KCNK5: variants seen among roughly 807,000 people sequenced by gnomAD.
The protein encoded by KCNK5 is potassium two pore domain channel subfamily K member 5.
In KCNK5, 18 loss-of-function variants were observed where a neutral mutation model predicts 32.9. The observed-to-expected ratio is 0.55, with a 90% confidence interval of 0.38 to 0.81. KCNK5 has a LOEUF of 0.81. Among genes scored for constraint, KCNK5 ranks in the 30% least tolerant of loss-of-function variants. The probability of loss-of-function intolerance (pLI) is 0.00; values close to 1 mark genes in which losing one functional copy is unlikely to be tolerated. For missense variants in KCNK5, 507 were observed against 651.0 expected (o/e 0.78, Z 2.41); for synonymous variants, 276 against 275.3 (o/e 1.00, Z -0.03).
At chr6:39,195,283 ACATGCGGAGG>A (rs1485082027) in intron 2 of KCNK5, among the ~76,000 whole-genome samples, 1 of 152,234 alleles carries the variant, frequency 6.6e-6, no homozygotes, top group Non-Finnish European at 1.5e-5. Flanking sequence ...GTTCCCAAAC[ACATGCGGAGG>A]CCTTGTGTTT....
chr6:39,190,653 A>C lies in KCNK5; in HGVS notation c.*237T>G. ...ATGTCTTTGCATTGTGAGATACACCAGCCAAGCTCAGGACAGATGCCCCCA... is the reference window on the plus strand; with the variant it reads ...ATGTCTTTGCATTGTGAGATACACCCGCCAAGCTCAGGACAGATGCCCCCA... On this transcript the variant is annotated 3_prime_UTR_variant, in exon 5 of 5. Coordinates refer to ENST00000359534, the MANE Select transcript of KCNK5 (RefSeq NM_003740.4). The C allele has an allele frequency of 2.4e-6, 1 of 418,234 alleles. No homozygotes were observed. 25.9% of individuals were successfully genotyped at this position (418,234 alleles called of 1,614,324 possible). A position where few individuals can be genotyped will look rare whatever the true frequency, so the allele number is the denominator to read the frequency against.
At position 39,206,001 on chromosome 6, in the gene KCNK5, C is replaced by A. The variant is rs150827953; in HGVS notation, c.187-10014G>T. 5.7e-4 allele frequency among the ~76,000 whole-genome samples: 87 copies of A among 152,346 alleles called. 3 individuals are homozygous for A. In the East Asian group the frequency reaches 0.017, roughly 29 times the overall value. ...CCTCTCACACCCATAACTCCTCTTC[C>A]ACCGTCTAATCTGAGACCTAAGACC... On this transcript the variant is annotated intron_variant, in intron 1 of 4. Transcript: ENST00000359534.
At chr6:39,215,402 C>T (rs963469616) in intron 1 of KCNK5, among the ~76,000 whole-genome samples, 4 of 152,178 alleles carry the variant, frequency 2.6e-5, no homozygotes, top group South Asian at 2.1e-4. Context: ...TTCCACTGCC[C>T]GGGAGGTGAG....
intron 1 of KCNK5, among the ~76,000 whole-genome samples, chr6:39,217,118 C>CAAAGAA (rs1771451399): frequency 1.3e-5 from 1 of 74,446 alleles, no homozygotes; most frequent in African/African-American, 4.6e-5. Context: ...AAAACTCCAT[C>CAAAGAA]AAAAAAAAAA....
chr6:39,198,121 G>A (rs1034626311), intron 1 of KCNK5, among the ~76,000 whole-genome samples: 3 of 152,228 alleles, frequency 2.0e-5, no homozygotes, highest in African/African-American at 4.8e-5. Context: ...TTTTCAAAGG[G>A]TTGCAAAGCC....
chr6:39,201,645 T>C lies in KCNK5; in HGVS notation c.187-5658A>G, dbSNP rs182187243. Among the ~76,000 whole-genome samples, 588 of 152,330 alleles carry C rather than the reference T, an allele frequency of 3.9e-3. 7 individuals are homozygous for C. Among genetic ancestry groups the C allele is most frequent in the African/African-American group, 0.013 (545 of 41,574 alleles). On this transcript the variant is annotated intron_variant, in intron 1 of 4. Transcript: ENST00000359534. Reference sequence around the variant, plus strand: ...AGGGAAAATAGAGCTGACCCTCTTATGTGCGTGTGCTTGGTAGTACAGAAA... The same window carrying C: ...AGGGAAAATAGAGCTGACCCTCTTACGTGCGTGTGCTTGGTAGTACAGAAA...
chr6:39,218,444 G>C (rs1221288611), intron 1 of KCNK5, among the ~76,000 whole-genome samples: 1 of 152,168 alleles, frequency 6.6e-6, no homozygotes, highest in Non-Finnish European at 1.5e-5. Context: ...TGGGTAGGCC[G>C]TGTTGTTAGA....
chr6:39,192,710 G>A (rs1429228098), intron 4 of KCNK5, among the ~76,000 whole-genome samples: 3 of 152,082 alleles, frequency 2.0e-5, no homozygotes, highest in Non-Finnish European at 4.4e-5. Flanking sequence ...TCCCCCTCCT[G>A]CTGCAGGGAG....
At chr6:39,209,390 GC>G (rs1771287945) in intron 1 of KCNK5, among the ~76,000 whole-genome samples, 1 of 152,120 alleles carries the variant, frequency 6.6e-6, no homozygotes, top group Non-Finnish European at 1.5e-5. Flanking sequence ...TGTATGCATT[GC>G]CCCCGCCCAC....
chr6:39,215,572 C>G (rs1160762668), intron 1 of KCNK5, among the ~76,000 whole-genome samples: 1 of 152,208 alleles, frequency 6.6e-6, no homozygotes, highest in East Asian at 1.9e-4. Context: ...AAATAAACAT[C>G]CATAAAGGGC....
In KCNK5 at chr6:39,191,730, G is replaced by A. The variant is rs781160511; in HGVS notation, c.660C>T (p.His220=). ...VAGVNPSANY[H]ALYRYFVELW... ...GCTCCACGAAGTAGCGGTACAGGGC[G>A]TGGTAGTTGGCGCTGGGGTTCACAC... The change falls in exon 5 of 5, where the codon CAC becomes CAT. Residue 220 remains histidine (H), a synonymous_variant. Coordinates refer to ENST00000359534, the MANE Select transcript of KCNK5 (RefSeq NM_003740.4). The surrounding 1 kb of genome is among the most constrained non-coding windows in gnomAD (Gnocchi z 5.8). 9.8e-5 allele frequency: 158 copies of A among 1,612,974 alleles called. No homozygotes were observed. The East Asian group carries it at 2.7e-3, about 27-fold the overall frequency.
chr6:39,215,911 G>T (rs553582643), intron 1 of KCNK5, among the ~76,000 whole-genome samples: 3 of 152,236 alleles, frequency 2.0e-5, no homozygotes, highest in South Asian at 2.1e-4. Context: ...ATAGTCGTAG[G>T]GGGAGGGGCT....
rs534973398 is a variant in KCNK5 at position 39,190,938 on chromosome 6, T to C, written c.1452A>G (p.Glu484=). The C allele has an allele frequency of 2.7e-6, 4 of 1,495,316 alleles. No individual in the cohort carries two copies. In the South Asian group the frequency reaches 5.6e-5, roughly 21 times the overall value. 92.6% of individuals were successfully genotyped at this position (1,495,316 alleles called of 1,614,324 possible). Residue 484 remains glutamate, a synonymous_variant, in exon 5 of 5, where the codon GAA becomes GAG. Transcript: ENST00000359534. ...CCTTGTTGTACTCATTCATCAGCTG[T>C]TCGTAAGGCACAGAGAGCTCAGACT... ...STESELSVPY[E]QLMNEYNKAN...
chr6:39,200,344 CA>C (rs2113783417), intron 1 of KCNK5, among the ~76,000 whole-genome samples: 1 of 152,324 alleles, frequency 6.6e-6, no homozygotes, highest in Non-Finnish European at 1.5e-5. Flanking sequence ...CCATCACCGT[CA>C]CCATAAAGCA....
Position 39,190,741 on chromosome 6 carries a change from A to G in KCNK5, c.*149T>C. On this transcript the variant is annotated 3_prime_UTR_variant, in exon 5 of 5. Coordinates refer to ENST00000359534, the MANE Select transcript of KCNK5 (RefSeq NM_003740.4). ...GTCCCGGGCATACATCTAGCTGAGG[A>G]TGATGGAAGGTTAGGAAGGCCCCTG... The G allele has an allele frequency of 2.9e-6, 2 of 695,812 alleles. No homozygotes were observed. Among genetic ancestry groups the G allele is most frequent in the Non-Finnish European group, 4.4e-6 (2 of 451,430 alleles). The allele number at this position is 695,812 out of a possible 1,614,324, so 43.1% of individuals were successfully genotyped here. A position where few individuals can be genotyped will look rare whatever the true frequency, so the allele number is the denominator to read the frequency against.
chr6:39,223,560 C>A (rs2113799257), intron 1 of KCNK5, among the ~76,000 whole-genome samples: 1 of 152,352 alleles, frequency 6.6e-6, no homozygotes, highest in Non-Finnish European at 1.5e-5. Context: ...CTCTGTACCA[C>A]CCCAGTTCTG....
chr6:39,226,251 T>C (rs1002877684), intron 1 of KCNK5, among the ~76,000 whole-genome samples: 1 of 152,184 alleles, frequency 6.6e-6, no homozygotes, highest in African/African-American at 2.4e-5. Flanking sequence ...TCACCAAAGA[T>C]CTTGCTTGAG....
At chr6:39,219,486 G>A (rs886194802) in intron 1 of KCNK5, among the ~76,000 whole-genome samples, 1 of 152,094 alleles carries the variant, frequency 6.6e-6, no homozygotes, top group Admixed American at 6.6e-5. Flanking sequence ...TTGAATACCT[G>A]TCCTTAACCA....
intron 1 of KCNK5, among the ~76,000 whole-genome samples, chr6:39,216,316 A>G (rs955088856): frequency 2.6e-5 from 4 of 152,086 alleles, no homozygotes; most frequent in African/African-American, 9.7e-5. Flanking sequence ...AAAACAAAAA[A>G]ACTATATATG....
Sources: gnomAD v4.1 joint callset for allele counts (sites outside exome capture counted in the v4.1 genomes callset) on GRCh38, gnomAD v4.1.1 for gene constraint, Gnocchi (gnomAD v3.1) non-coding constraint, MANE v1.5 for transcripts, NCBI Gene and HGNC (gene_info 2026-07-23, HGNC 2026-07-21) for gene names.